Variants in SETBP1 observed in about 807,000 individuals in gnomAD.
The protein encoded by SETBP1 is SET binding protein 1.
Under a neutral mutation model 101.0 loss-of-function variants are expected in SETBP1, and 9 were observed. The observed-to-expected ratio is 0.09, with a 90% confidence interval of 0.05 to 0.16. SETBP1 has a LOEUF of 0.16. Ranked by LOEUF, SETBP1 falls within the 10% of genes least tolerant of loss-of-function variation. The probability of loss-of-function intolerance (pLI) is 1.00; values close to 1 mark genes in which losing one functional copy is unlikely to be tolerated. For synonymous variants in SETBP1, 818 were observed against 788.5 expected (o/e 1.04, Z -0.63); for missense variants, 1,858 against 2,033.8 (o/e 0.91, Z 1.66).
chr18:44,732,835 A>G (rs1331619667), intron 2 of SETBP1: 2 of 152,296 alleles, frequency 1.3e-5, no homozygotes, highest in South Asian at 2.1e-4. Context: ...ACATTCCCCA[A>G]GTGTGTAACT....
At chr18:44,916,465 C>T (rs2070429994) in intron 3 of SETBP1, among the ~76,000 whole-genome samples, 2 of 152,106 alleles carry the variant, frequency 1.3e-5, no homozygotes, top group Non-Finnish European at 2.9e-5. Flanking sequence ...TTCTTTCCTT[C>T]ATTCCACAGA....
At chr18:44,886,544 T>C (rs1488701871) in intron 3 of SETBP1, among the ~76,000 whole-genome samples, 2 of 152,158 alleles carry the variant, frequency 1.3e-5, no homozygotes, top group East Asian at 1.9e-4. Context: ...GTCAAGGTGG[T>C]TTTCATTTAA....
At chr18:44,921,356 AAT>A (rs2144934337) in intron 3 of SETBP1, among the ~76,000 whole-genome samples, 1 of 152,288 alleles carries the variant, frequency 6.6e-6, no homozygotes, top group South Asian at 2.1e-4. Flanking sequence ...TCAAGTGCTG[AAT>A]TTCTCTGAGC....
intron 2 of SETBP1, among the ~76,000 whole-genome samples, chr18:44,715,147 A>G (rs1240805372): frequency 6.6e-6 from 1 of 152,138 alleles, no homozygotes; most frequent in Admixed American, 6.5e-5. Flanking sequence ...GGCATCTTTA[A>G]GAAGAGAATA....
At chr18:44,966,263 T>A (rs941705825) in intron 4 of SETBP1, among the ~76,000 whole-genome samples, 3 of 152,196 alleles carry the variant, frequency 2.0e-5, no homozygotes, top group African/African-American at 7.2e-5. Context: ...CCTGATCATC[T>A]TCAAGTATTT....
Position 44,852,498 on chromosome 18 carries a change from C to G in SETBP1, c.487-16732C>G, listed in dbSNP as rs140811550. Among the ~76,000 whole-genome samples, 714 of 152,268 alleles carry G rather than the reference C, an allele frequency of 4.7e-3. 7 individuals carry two copies. The highest frequency in any genetic ancestry group is 0.016 in the African/African-American group (660 of 41,538). ...CCCAGAGGGTCCGGGGGCTCTTCCC[C>G]TCCTCTATGCCCCATATATGGCCAT... is the stretch of plus-strand genomic sequence containing the variant. On this transcript the variant is annotated intron_variant, in intron 2 of 5. Transcript: ENST00000649279.
chr18:44,956,038 C>T, intron 4 of SETBP1, among the ~76,000 whole-genome samples: 1 of 152,146 alleles, frequency 6.6e-6, no homozygotes, highest in Non-Finnish European at 1.5e-5. Context: ...TTTGCCACTG[C>T]TTTGTTTCTA....
chr18:44,994,104 G>T (rs1032243863), intron 4 of SETBP1, among the ~76,000 whole-genome samples: 4 of 151,872 alleles, frequency 2.6e-5, no homozygotes, highest in African/African-American at 9.7e-5. Context: ...TACCAAAAAA[G>T]GAGAATTTGG....
At chr18:44,906,741 C>T (rs1028036973) in intron 3 of SETBP1, among the ~76,000 whole-genome samples, 1 of 152,100 alleles carries the variant, frequency 6.6e-6, no homozygotes, top group Non-Finnish European at 1.5e-5. Flanking sequence ...GATATAAATG[C>T]ACTCAAGAAG....
At chr18:44,682,473 A>G (rs928337275) in intron 1 of SETBP1, among the ~76,000 whole-genome samples, 6 of 151,618 alleles carry the variant, frequency 4.0e-5, no homozygotes, top group Non-Finnish European at 8.8e-5. Flanking sequence ...ATCCCAGGTC[A>G]CTCCCTCCCT....
At chr18:44,707,773 G>A (rs1599015065) in intron 2 of SETBP1, among the ~76,000 whole-genome samples, 1 of 152,306 alleles carries the variant, frequency 6.6e-6, no homozygotes, top group East Asian at 1.9e-4. Context: ...AAATAAACGA[G>A]TTTGGATTTA....
intron 4 of SETBP1, chr18:44,987,694 C>A (rs2072271126): frequency 6.6e-6 from 1 of 152,178 alleles, no homozygotes; most frequent in South Asian, 2.1e-4. Context: ...GAAGATAAAG[C>A]AGTTTATTAT....
At chr18:44,740,308 T>C (rs371285372) in intron 2 of SETBP1, among the ~76,000 whole-genome samples, 4 of 152,238 alleles carry the variant, frequency 2.6e-5, no homozygotes, top group East Asian at 1.9e-4. Context: ...CTATTACACA[T>C]TGTGGCCATT....
At position 44,998,310 on chromosome 18, in the gene SETBP1, A is replaced by G. The variant is rs181720419; in HGVS notation, c.4001-40175A>G. On this transcript the variant is annotated intron_variant, in intron 4 of 5. Coordinates refer to ENST00000649279, the MANE Select transcript of SETBP1 (RefSeq NM_015559.3). ...GGGGTGGTAGCCCCGTTTCCGGGGT[A>G]TCTCTCCTCACACCAGGCACTTGCC... Among the ~76,000 whole-genome samples the G allele has an allele frequency of 3.1e-3, 471 of 152,342 alleles. 2 individuals carry two copies. The highest frequency in any genetic ancestry group is 0.011 in the African/African-American group (457 of 41,590).
At chr18:44,696,982 C>G (rs765283683) in intron 1 of SETBP1, among the ~76,000 whole-genome samples, 1 of 152,214 alleles carries the variant, frequency 6.6e-6, no homozygotes. Flanking sequence ...TCCCAGCCCC[C>G]ACTGCCGCCC....
At chr18:44,837,661 C>T (rs2072526764) in intron 2 of SETBP1, among the ~76,000 whole-genome samples, 1 of 152,180 alleles carries the variant, frequency 6.6e-6, no homozygotes, top group South Asian at 2.1e-4. Flanking sequence ...CCATTTGCTG[C>T]AGGAAGGAGC....
intron 2 of SETBP1, among the ~76,000 whole-genome samples, chr18:44,741,779 C>T (rs997237647): frequency 5.3e-5 from 8 of 152,148 alleles, no homozygotes; most frequent in African/African-American, 1.4e-4. Flanking sequence ...ACTTGGAATC[C>T]GGTGCCTGCC....
chr18:45,000,928 A>G (rs991293944), intron 4 of SETBP1, among the ~76,000 whole-genome samples: 53 of 152,164 alleles, frequency 3.5e-4, no homozygotes, highest in African/African-American at 1.2e-3. Context: ...AGATGAGGAC[A>G]GGATGTATTG....
chr18:44,686,857 CAT>C (rs2068848840), intron 1 of SETBP1, among the ~76,000 whole-genome samples: 1 of 152,210 alleles, frequency 6.6e-6, no homozygotes, highest in Admixed American at 6.5e-5. Context: ...TATTTTACCA[CAT>C]GTGCATCCTT....
Sources: allele counts gnomAD v4.1 joint callset (sites outside exome capture counted in the v4.1 genomes callset), GRCh38; gene constraint gnomAD v4.1.1; transcripts MANE v1.5; gene names NCBI Gene and HGNC (gene_info 2026-07-23, HGNC 2026-07-21).